Variants in KSR2 observed in about 807,000 individuals in gnomAD.
KSR2 encodes the protein kinase suppressor of ras 2.
In KSR2, 25 loss-of-function variants were observed where a neutral mutation model predicts 107.8. The ratio of observed to expected loss-of-function variants is 0.23; its 90% CI spans 0.17 to 0.32. The LOEUF is 0.32. Among genes scored for constraint, KSR2 ranks in the 10% least tolerant of loss-of-function variants. The probability of loss-of-function intolerance (pLI) is 1.00; values close to 1 mark genes in which losing one functional copy is unlikely to be tolerated. For synonymous variants in KSR2, 480 were observed against 507.0 expected (o/e 0.95, Z 0.71); for missense variants, 887 against 1,268.9 (o/e 0.70, Z 4.57).
intron 3 of KSR2, among the ~76,000 whole-genome samples, chr12:117,828,771 C>T (rs978584829): frequency 3.9e-5 from 6 of 152,276 alleles, no homozygotes; most frequent in East Asian, 1.9e-4. Context: ...TGAAACTTTC[C>T]GAGACCCTCT....
intron 14 of KSR2, among the ~76,000 whole-genome samples, chr12:117,498,021 C>A (rs1223022352): frequency 2.0e-5 from 3 of 152,168 alleles, no homozygotes; most frequent in African/African-American, 7.2e-5. Flanking sequence ...ACTTCTCGCA[C>A]CATCTCCCCT....
At chr12:117,941,417 T>A (rs1218895153) in intron 1 of KSR2, among the ~76,000 whole-genome samples, 3 of 152,108 alleles carry the variant, frequency 2.0e-5, no homozygotes, top group Non-Finnish European at 2.9e-5. Context: ...ATTGACATGA[T>A]TCAAAATCTA....
chr12:117,522,207 T>C (rs1172223408), intron 14 of KSR2, among the ~76,000 whole-genome samples: 2 of 152,120 alleles, frequency 1.3e-5, no homozygotes, highest in Non-Finnish European at 2.9e-5. Flanking sequence ...GAGCAACACA[T>C]TTTCATAATG....
At chr12:117,769,173 T>C (rs1889349043) in intron 3 of KSR2, among the ~76,000 whole-genome samples, 1 of 152,188 alleles carries the variant, frequency 6.6e-6, no homozygotes, top group South Asian at 2.1e-4. Context: ...AGAAGTTATT[T>C]TTCTAGCCTG....
chr12:117,555,402 A>AGGGT, intron 8 of KSR2, 109 bp from the exon 9 acceptor site: 2 of 1,075,854 alleles, frequency 1.9e-6, no homozygotes, highest in Non-Finnish European at 2.7e-6. Context: ...TCCAGACTGG[A>AGGGT]GGACAATTCA....
intron 1 of KSR2, among the ~76,000 whole-genome samples, chr12:117,961,317 G>C (rs190379784): frequency 6.6e-6 from 1 of 152,066 alleles, no homozygotes; most frequent in African/African-American, 2.4e-5. Flanking sequence ...AGAATGGCCC[G>C]CCACCTGCAA....
chr12:117,909,729 C>T (rs1349885006), intron 1 of KSR2, among the ~76,000 whole-genome samples: 1 of 145,890 alleles, frequency 6.9e-6, no homozygotes, highest in Non-Finnish European at 1.5e-5. Flanking sequence ...ATGGTGGAAC[C>T]CCATCTCTAC....
intron 3 of KSR2, among the ~76,000 whole-genome samples, chr12:117,824,876 A>G (rs911984110): frequency 6.7e-6 from 1 of 150,028 alleles, no homozygotes; most frequent in African/African-American, 2.5e-5. Context: ...AAAAAAAAAA[A>G]ATTAAACAAA....
intron 5 of KSR2, among the ~76,000 whole-genome samples, chr12:117,661,111 C>G (rs73211983): frequency 6.6e-6 from 1 of 152,194 alleles, no homozygotes; most frequent in Non-Finnish European, 1.5e-5. Context: ...GAGGAAACAT[C>G]GGGCAGACTT....
intron 4 of KSR2, among the ~76,000 whole-genome samples, chr12:117,740,045 G>A (rs556958440): frequency 6.6e-6 from 1 of 151,888 alleles, no homozygotes; most frequent in East Asian, 1.9e-4. Flanking sequence ...AGTATACACT[G>A]AACCCAATTT....
At chr12:117,664,353 A>ACCAGAG (rs977964505) in intron 5 of KSR2, among the ~76,000 whole-genome samples, 1 of 152,160 alleles carries the variant, frequency 6.6e-6, no homozygotes, top group African/African-American at 2.4e-5. Context: ...CACAGTGCAG[A>ACCAGAG]CCAGAGCCAG....
intron 9 of KSR2, among the ~76,000 whole-genome samples, chr12:117,545,324 A>G (rs1876777835): frequency 6.6e-6 from 1 of 152,146 alleles, no homozygotes; most frequent in South Asian, 2.1e-4. Context: ...CATGAGTTGG[A>G]AAGTATACTC....
At chr12:117,592,702 C>T (rs1880399469) in intron 5 of KSR2, among the ~76,000 whole-genome samples, 1 of 152,186 alleles carries the variant, frequency 6.6e-6, no homozygotes, top group Non-Finnish European at 1.5e-5. Flanking sequence ...TAAAGTGCGT[C>T]AGGGATTTTT....
intron 5 of KSR2, among the ~76,000 whole-genome samples, chr12:117,599,989 G>A (rs1880847055): frequency 6.6e-6 from 1 of 152,138 alleles, no homozygotes; most frequent in African/African-American, 2.4e-5. Flanking sequence ...AGCCCTCCCA[G>A]GTCGGTCAAG....
chr12:117,527,590 CTTGT>C (rs1489671055), intron 12 of KSR2, among the ~76,000 whole-genome samples: 1 of 152,160 alleles, frequency 6.6e-6, no homozygotes, highest in Non-Finnish European at 1.5e-5. Context: ...TCTCAGTGTT[CTTGT>C]TTGTCTGTTC....
At chr12:117,869,374 A>G (rs139632196) in intron 1 of KSR2, among the ~76,000 whole-genome samples, 1 of 152,278 alleles carries the variant, frequency 6.6e-6, no homozygotes, top group South Asian at 2.1e-4. Context: ...TCCATCTCAA[A>G]AAAAAGAAAG....
intron 1 of KSR2, among the ~76,000 whole-genome samples, chr12:117,878,066 G>T (rs1209578608): frequency 6.7e-6 from 1 of 148,252 alleles, no homozygotes; most frequent in East Asian, 1.9e-4. Flanking sequence ...GGGCAGCTTT[G>T]AGTTGGGTAT....
intron 7 of KSR2, among the ~76,000 whole-genome samples, chr12:117,576,471 G>A (rs1217718954): frequency 6.6e-6 from 1 of 152,032 alleles, no homozygotes; most frequent in Admixed American, 6.6e-5. Flanking sequence ...CTAATGCTTG[G>A]TAATTATTGC....
At chr12:117,588,065 T>G (rs1049531614) in intron 5 of KSR2, among the ~76,000 whole-genome samples, 6 of 152,176 alleles carry the variant, frequency 3.9e-5, no homozygotes, top group Non-Finnish European at 7.3e-5. Flanking sequence ...GGAGCTATCA[T>G]GATCCCACCC....
Sources: gnomAD v4.1 joint callset for allele counts (sites outside exome capture counted in the v4.1 genomes callset) on GRCh38, gnomAD v4.1.1 for gene constraint, MANE v1.5 for transcripts, NCBI Gene and HGNC (gene_info 2026-07-23, HGNC 2026-07-21) for gene names.